The following GAP43 variants were observed in gnomAD, a reference collection of about 807,000 sequenced individuals.
GAP43 encodes the protein neuromodulin.
A neutral mutation model predicts 18.6 loss-of-function variants in GAP43; 6 were observed. The observed-to-expected ratio is 0.32, with a 90% CI of 0.18 to 0.64. The LOEUF is 0.64. Among genes scored for constraint, GAP43 ranks in the 30% least tolerant of loss-of-function variants. GAP43 has a pLI of 0.78. For synonymous variants in GAP43, 115 were observed against 111.4 expected (o/e 1.03, Z -0.20); for missense variants, 292 against 295.5 (o/e 0.99, Z 0.09).
At chr3:115,659,874 G>GT (rs1214047759) in intron 1 of GAP43, among the ~76,000 whole-genome samples, 1 of 152,074 alleles carries the variant, frequency 6.6e-6, no homozygotes, top group Non-Finnish European at 1.5e-5. Flanking sequence ...AGTGATTCGC[G>GT]TATCTTATTT....
At chr3:115,683,020 A>G (rs1217092202) in intron 2 of GAP43, among the ~76,000 whole-genome samples, 1 of 152,178 alleles carries the variant, frequency 6.6e-6, no homozygotes, top group African/African-American at 2.4e-5. Flanking sequence ...TAAAGTTGTG[A>G]AACTACATTT....
chr3:115,670,165 G>A (rs1708799349), intron 1 of GAP43, among the ~76,000 whole-genome samples: 1 of 85,954 alleles, frequency 1.2e-5, no homozygotes, highest in African/African-American at 4.7e-5. Context: ...CCCCACCACA[G>A]TCCCCAGAGT....
intron 2 of GAP43, among the ~76,000 whole-genome samples, chr3:115,705,121 C>T (rs1470579241): frequency 6.6e-6 from 1 of 152,160 alleles, no homozygotes; most frequent in Admixed American, 6.6e-5. Flanking sequence ...TACCCAAACA[C>T]ATCATGCCGA....
chr3:115,696,045 C>G (rs975344289), intron 2 of GAP43, among the ~76,000 whole-genome samples: 1 of 151,818 alleles, frequency 6.6e-6, no homozygotes, highest in African/African-American at 2.4e-5. Flanking sequence ...CCTCTTTTCT[C>G]TTCTACATTC....
chr3:115,704,821 C>T (rs755487198), intron 2 of GAP43, among the ~76,000 whole-genome samples: 2 of 152,090 alleles, frequency 1.3e-5, no homozygotes, highest in Non-Finnish European at 2.9e-5. Flanking sequence ...GTCACAAAAA[C>T]TCTTCATCTT....
chr3:115,651,266 TG>T (rs770722131), intron 1 of GAP43, among the ~76,000 whole-genome samples: 1 of 152,228 alleles, frequency 6.6e-6, no homozygotes, highest in Non-Finnish European at 1.5e-5. Flanking sequence ...TGCAACATTA[TG>T]AGTTTCTTGC....
Position 115,702,419 on chromosome 3 carries a change from A to G in GAP43, c.629-18375A>G, listed in dbSNP as rs140348001. On this transcript the variant is annotated intron_variant, in intron 2 of 2. Coordinates refer to ENST00000305124, the MANE Select transcript of GAP43 (RefSeq NM_002045.4). Reference sequence around the variant, plus strand: ...TGAGGTCATGTTAGGGGACAGAAAGAAAAAAACTAGACCCAGAATGGCAAA... The same window carrying G: ...TGAGGTCATGTTAGGGGACAGAAAGGAAAAAACTAGACCCAGAATGGCAAA... Among the ~76,000 whole-genome samples, 164 of 152,202 alleles carry G rather than the reference A, an allele frequency of 1.1e-3. 1 individual carries two copies. Among genetic ancestry groups the G allele is most frequent in the African/African-American group, 3.8e-3 (159 of 41,550 alleles).
intron 2 of GAP43, among the ~76,000 whole-genome samples, chr3:115,683,523 A>G (rs1364514779): frequency 6.6e-6 from 1 of 152,214 alleles, no homozygotes; most frequent in Non-Finnish European, 1.5e-5. Flanking sequence ...TAATCCTCCT[A>G]ACCCTGTCTC....
chr3:115,672,393 C>A (rs1355046804), intron 1 of GAP43, among the ~76,000 whole-genome samples: 1 of 152,198 alleles, frequency 6.6e-6, no homozygotes, highest in Non-Finnish European at 1.5e-5. Context: ...GGTTACTCCA[C>A]ATAGCCAGTT....
intron 1 of GAP43, chr3:115,663,672 T>C: frequency 1.4e-6 from 2 of 1,443,934 alleles, no homozygotes. Flanking sequence ...TTATTTCTAC[T>C]TTTCTATTGT....
At position 115,720,839 on chromosome 3, in the gene GAP43, AG is replaced by A; in HGVS notation, c.677del (p.Gly226ValfsTer16). 6.2e-7 allele frequency: 1 copy of A among 1,613,164 alleles called. No individual in the cohort carries two copies. Among genetic ancestry groups the A allele is most frequent in the African/African-American group, 1.3e-5 (1 of 74,962 alleles). On this transcript the variant is annotated frameshift_variant, in exon 3 of 3. Coordinates refer to ENST00000305124, the MANE Select transcript of GAP43 (RefSeq NM_002045.4). LOFTEE classifies it high-confidence loss of function. ...CCTAAGGAAAGTGCCCGGCAGGACG[AG>A]GGTAAAGAAGAGGAACCTGAGGCTG... is the stretch of plus-strand genomic sequence containing the variant. The part of the protein sequence containing the change: ...TKPKESARQD[E>X]GKEEEPEADQ...
chr3:115,641,394 GTGTA>G (rs1352504998), intron 1 of GAP43, among the ~76,000 whole-genome samples: 1 of 151,454 alleles, frequency 6.6e-6, no homozygotes, highest in East Asian at 1.9e-4. Flanking sequence ...GTGTGTGTGT[GTGTA>G]TACATACACA....
intron 1 of GAP43, among the ~76,000 whole-genome samples, chr3:115,648,485 G>T (rs1559791672): frequency 6.6e-6 from 1 of 152,142 alleles, no homozygotes; most frequent in Admixed American, 6.6e-5. Context: ...AAGATTTCTA[G>T]CTTAGATTTA....
chr3:115,716,726 AT>A (rs1709508989), intron 2 of GAP43, among the ~76,000 whole-genome samples: 3 of 53,242 alleles, frequency 5.6e-5, no homozygotes, highest in Admixed American at 3.6e-4. Flanking sequence ...AAATATATAT[AT>A]ATATATATAT....
chr3:115,666,751 T>G (rs1708738810), intron 1 of GAP43, among the ~76,000 whole-genome samples: 1 of 152,188 alleles, frequency 6.6e-6, no homozygotes. Context: ...CCGCAGCCCA[T>G]GCTCTTAAGC....
Position 115,627,286 on chromosome 3 carries a change from CAG to C in GAP43, c.30+3570_30+3571del, listed in dbSNP as rs199575964. On this transcript the variant is annotated intron_variant, in intron 1 of 2. Transcript: ENST00000305124. ...AATGAGCCCTGATCTCTCCTGCTGACAGAGTCTGTGTAACTCTCTTCCCCACC... is the reference window on the plus strand; with the variant it reads ...AATGAGCCCTGATCTCTCCTGCTGACAGTCTGTGTAACTCTCTTCCCCACC... Among the ~76,000 whole-genome samples the C allele has an allele frequency of 8.2e-3, 1,238 of 151,886 alleles. 15 individuals are homozygous for C. The highest frequency in any genetic ancestry group is 0.028 in the African/African-American group (1,159 of 41,390).
intron 1 of GAP43, among the ~76,000 whole-genome samples, chr3:115,633,743 C>A (rs946346893): frequency 1.3e-5 from 2 of 152,136 alleles, no homozygotes; most frequent in African/African-American, 2.4e-5. Context: ...CTGGCAGGTG[C>A]CACCTGTCTA....
chr3:115,669,017 G>T (rs1708773664), intron 1 of GAP43, among the ~76,000 whole-genome samples: 1 of 150,728 alleles, frequency 6.6e-6, no homozygotes, highest in African/African-American at 2.4e-5. Flanking sequence ...CTGCGCTCCA[G>T]CCTGGGTGAC....
Position 115,644,298 on chromosome 3 carries a change from C to T in GAP43, c.30+20579C>T, listed in dbSNP as rs1250212502. 6.6e-6 allele frequency among the ~76,000 whole-genome samples: 1 copy of T among 151,964 alleles called. No homozygotes were observed. Among genetic ancestry groups the T allele is most frequent in the Admixed American group, 6.6e-5 (1 of 15,208 alleles). On this transcript the variant is annotated intron_variant, in intron 1 of 2. Transcript: ENST00000305124. This position sits in a 1 kb window ranked among gnomAD's most constrained non-coding sequence, Gnocchi z 4.2. ...GAAATGCTTGCTTTGCCACTGGCAC[C>T]ATGTGGCTTTGAGTGATTATTGTAT...
Sources: gnomAD v4.1 joint callset for allele counts (sites outside exome capture counted in the v4.1 genomes callset) on GRCh38, gnomAD v4.1.1 for gene constraint, Gnocchi (gnomAD v3.1) non-coding constraint, MANE v1.5 for transcripts, NCBI Gene and HGNC (gene_info 2026-07-23, HGNC 2026-07-21) for gene names.